Variants in CCDC171 observed in about 807,000 individuals in gnomAD.
CCDC171 encodes the protein coiled-coil domain containing 171, also known as coiled-coil domain-containing protein 171.
CCDC171 carries 177 observed loss-of-function variants against 168.2 expected under a neutral mutation model. The ratio of observed to expected loss-of-function variants is 1.05; its 90% CI spans 0.93 to 1.19. The LOEUF (loss-of-function observed/expected upper bound fraction) is 1.19, where lower values mean the gene tolerates loss of function less well. Ranked by LOEUF, CCDC171 falls within the 50% of genes most tolerant of loss-of-function variation. CCDC171 has a pLI of 0.00. For missense variants in CCDC171, 1,991 were observed against 1,539.0 expected, an observed-to-expected ratio of 1.29 and a Z score of -4.91; for synonymous variants, 687 against 540.8, an observed-to-expected ratio of 1.27 and a Z score of -3.75.
At chr9:15,672,881 G>A (rs199548888) in intron 9 of CCDC171, among the ~76,000 whole-genome samples, 20 of 152,040 alleles carry the variant, frequency 1.3e-4, no homozygotes, top group South Asian at 6.2e-4. Flanking sequence ...GTTTTTTCCA[G>A]TTCTGTGAAG....
chr9:16,101,447 C>T, the CCDC171 span, among the ~76,000 whole-genome samples: 6 of 152,110 alleles, frequency 3.9e-5, no homozygotes, highest in African/African-American at 1.4e-4. Flanking sequence ...AATGTCTTAC[C>T]CCAAAGTGTA....
intron 24 of CCDC171, chr9:15,886,808 A>G (rs1819482760): frequency 6.6e-6 from 1 of 151,964 alleles, no homozygotes; most frequent in African/African-American, 2.4e-5. Context: ...TCAGCTTTAA[A>G]AAATAAAGGA....
chr9:16,057,436 T>C (rs931891543), intron 1 of CCDC171, among the ~76,000 whole-genome samples: 2 of 152,200 alleles, frequency 1.3e-5, no homozygotes, highest in African/African-American at 4.8e-5. Context: ...TCAAGGAAGT[T>C]TTTTTTGTTT....
chr9:15,982,047 A>G (rs1439327272), intron 3 of CCDC171, among the ~76,000 whole-genome samples: 1 of 152,176 alleles, frequency 6.6e-6, no homozygotes, highest in East Asian at 1.9e-4. Context: ...TTATTCCATG[A>G]ACTGGGAGAA....
chr9:16,060,348 C>T (rs891832345), intron 1 of CCDC171, among the ~76,000 whole-genome samples: 4 of 152,104 alleles, frequency 2.6e-5, no homozygotes, highest in South Asian at 2.1e-4. Flanking sequence ...CGTGGCGCCT[C>T]GAGACCACAC....
chr9:15,596,157 C>G (rs2042337528), intron 6 of CCDC171, among the ~76,000 whole-genome samples: 1 of 152,118 alleles, frequency 6.6e-6, no homozygotes, highest in Admixed American at 6.6e-5. Context: ...AATTAGATCC[C>G]ATTTGTCAAT....
chr9:15,553,729 C>G (rs1469132958), intron 1 of CCDC171: 1 of 152,196 alleles, frequency 6.6e-6, no homozygotes, highest in Non-Finnish European at 1.5e-5. Context: ...AGACTGTCAC[C>G]TGCAGCTTCT....
At chr9:15,889,992 C>A (rs1408362991) in intron 24 of CCDC171, among the ~76,000 whole-genome samples, 1 of 152,112 alleles carries the variant, frequency 6.6e-6, no homozygotes, top group African/African-American at 2.4e-5. Context: ...ATAAAAATAT[C>A]ACTTAATAGT....
chr9:15,688,910 AT>A (rs1304964017), intron 10 of CCDC171, among the ~76,000 whole-genome samples: 2 of 152,196 alleles, frequency 1.3e-5, no homozygotes, highest in Non-Finnish European at 2.9e-5. Flanking sequence ...GTAGAAGTAA[AT>A]TATCTATTTG....
At chr9:15,896,860 G>T (rs571778568) in intron 24 of CCDC171, among the ~76,000 whole-genome samples, 4 of 151,976 alleles carry the variant, frequency 2.6e-5, no homozygotes, top group Non-Finnish European at 4.4e-5. Context: ...ATACATGTAG[G>T]ACCGAATATG....
chr9:15,657,545 G>C (rs2132959134), intron 8 of CCDC171, among the ~76,000 whole-genome samples: 1 of 152,298 alleles, frequency 6.6e-6, no homozygotes, highest in South Asian at 2.1e-4. Context: ...TTGCAGATTG[G>C]AGTGTTCTTT....
intron 1 of CCDC171, among the ~76,000 whole-genome samples, chr9:16,049,798 A>G (rs918735247): frequency 6.6e-6 from 1 of 152,304 alleles, no homozygotes; most frequent in South Asian, 2.1e-4. Flanking sequence ...TCATAGATCT[A>G]TATCAATATC....
chr9:15,719,943 T>C (rs1407063318), intron 11 of CCDC171, among the ~76,000 whole-genome samples: 1 of 151,212 alleles, frequency 6.6e-6, no homozygotes, highest in African/African-American at 2.4e-5. Context: ...ATAAAATTTT[T>C]AATGAGTTGT....
chr9:16,091,196 C>G, the CCDC171 span, among the ~76,000 whole-genome samples: 22 of 152,270 alleles, frequency 1.4e-4, no homozygotes, highest in African/African-American at 5.1e-4. Context: ...CTCCTCCATC[C>G]CACATACATC....
At chr9:15,904,355 C>G (rs200584430) in intron 24 of CCDC171, among the ~76,000 whole-genome samples, 44 of 152,190 alleles carry the variant, frequency 2.9e-4, no homozygotes, top group South Asian at 4.2e-4. Context: ...AGCCAGAAGA[C>G]AGTGGGGGCT....
chr9:15,896,403 A>T (rs1001075584), intron 24 of CCDC171, among the ~76,000 whole-genome samples: 1 of 152,112 alleles, frequency 6.6e-6, no homozygotes, highest in African/African-American at 2.4e-5. Flanking sequence ...AAGAGCTATT[A>T]TATTTACATC....
intron 6 of CCDC171, among the ~76,000 whole-genome samples, chr9:15,619,600 C>T (rs1186758039): frequency 6.6e-6 from 1 of 152,156 alleles, no homozygotes; most frequent in Non-Finnish European, 1.5e-5. Flanking sequence ...GGAAATAAGA[C>T]TTCTACATAA....
chr9:15,730,649 A>G (rs865972015), intron 16 of CCDC171, among the ~76,000 whole-genome samples: 13 of 151,806 alleles, frequency 8.6e-5, no homozygotes, highest in South Asian at 2.1e-4. Flanking sequence ...ATATACACAC[A>G]CATACATAAA....
chr9:16,007,492 C>G (rs1460774155), intron 3 of CCDC171, among the ~76,000 whole-genome samples: 6 of 152,188 alleles, frequency 3.9e-5, no homozygotes, highest in African/African-American at 1.4e-4. Context: ...GTGTTTTAGA[C>G]ATGAAGTCCT....
Sources: allele counts gnomAD v4.1 joint callset (sites outside exome capture counted in the v4.1 genomes callset), GRCh38; gene constraint gnomAD v4.1.1; transcripts MANE v1.5; gene names NCBI Gene and HGNC (gene_info 2026-07-23, HGNC 2026-07-21).